EXOSC8: variants seen among roughly 807,000 people sequenced by gnomAD.
EXOSC8 encodes exosome complex component RRP43.
In EXOSC8, 37 loss-of-function variants were observed where a neutral mutation model predicts 39.9. That is an observed-to-expected ratio of 0.93 (90% CI 0.71 to 1.22). The LOEUF is 1.22. Among genes scored for constraint, EXOSC8 ranks in the 50% most tolerant of loss-of-function variants. The pLI, the probability that EXOSC8 is intolerant of heterozygous loss-of-function variation, is 0.00. For synonymous variants in EXOSC8, 93 were observed against 109.5 expected (o/e 0.85, Z 0.94); for missense variants, 313 against 326.6 (o/e 0.96, Z 0.32).
chr13:37,002,187 C>T (rs551091674), intron 1 of EXOSC8, 86 bp from the exon 2 acceptor site: 42 of 985,066 alleles, frequency 4.3e-5, no homozygotes, highest in Non-Finnish European at 6.6e-5. Context: ...TATGCTGCAT[C>T]ACCACACTTA....
Position 37,006,128 on chromosome 13 carries a change from C to T in EXOSC8, c.358C>T (p.Gln120Ter), listed in dbSNP as rs1214554467. ...ADVIENSQII[Q>*]KEDLCISPGK... is the part of the protein sequence containing the mutation. The stretch of plus-strand genomic sequence containing the variant: ...CATTAAATCAAGTTCACAGATAATT[C>T]AGAAAGAGGACTTATGCATTTCTCC... The change falls in exon 7 of 11, where the codon CAG becomes TAG. Residue 120 changes from glutamine (Q) to a stop codon, truncating the protein, a stop_gained. Transcript: ENST00000389704. LOFTEE classifies it high-confidence loss of function. 1 of 1,610,136 alleles carries T rather than the reference C, an allele frequency of 6.2e-7. No homozygotes were observed. Among genetic ancestry groups the T allele is most frequent in the African/African-American group, 1.3e-5 (1 of 74,760 alleles).
chr13:37,001,458 C>G (rs1198962392), intron 1 of EXOSC8: 1 of 152,168 alleles, frequency 6.6e-6, no homozygotes, highest in Non-Finnish European at 1.5e-5. Flanking sequence ...GCCTGCTTCT[C>G]CCTCTCCCGT....
At position 37,009,520 on chromosome 13, in the gene EXOSC8, T is replaced by A; in HGVS notation, c.*221T>A. The A allele has an allele frequency of 9.7e-7, 1 of 1,030,214 alleles. No individual in the cohort carries two copies. Among genetic ancestry groups the A allele is most frequent in the South Asian group, 1.5e-5 (1 of 65,792 alleles). 63.8% of individuals were successfully genotyped at this position (1,030,214 alleles called of 1,614,324 possible). A position where few individuals can be genotyped will look rare whatever the true frequency, so the allele number is the denominator to read the frequency against. On this transcript the variant is annotated 3_prime_UTR_variant, in exon 11 of 11. Coordinates refer to ENST00000389704, the MANE Select transcript of EXOSC8 (RefSeq NM_181503.3). The stretch of plus-strand genomic sequence containing the variant: ...TTGTTAAACCATTTCCCTGTTTTTA[T>A]TTAAAAATGATAAGGTTGTGCTTCT...
Position 37,000,801 on chromosome 13 carries a change from G to A in EXOSC8, c.-5G>A, listed in dbSNP as rs780894260. On this transcript the variant is annotated 5_prime_UTR_variant, in exon 1 of 11. Coordinates refer to ENST00000389704, the MANE Select transcript of EXOSC8 (RefSeq NM_181503.3). ...CGGCGCAGGCGCAGACGCGCGGGCGGGAAGATGGCGGCTGGGTTCAAGTGA... is the reference window on the plus strand; with the variant it reads ...CGGCGCAGGCGCAGACGCGCGGGCGAGAAGATGGCGGCTGGGTTCAAGTGA... 24 of 1,581,794 alleles carry A rather than the reference G, an allele frequency of 1.5e-5. No homozygotes were observed. In the East Asian group the frequency reaches 2.1e-4, roughly 14 times the overall value.
At chr13:37,003,230 T>C (rs2059117891) in intron 4 of EXOSC8, 1 of 460,652 alleles carries the variant, frequency 2.2e-6, no homozygotes, top group Non-Finnish European at 3.8e-6. Context: ...ACTTTTAAAA[T>C]CTGAGTCACC....
At position 37,005,934 on chromosome 13, in the gene EXOSC8, C is replaced by A; in HGVS notation, c.253C>A (p.Leu85Ile). 6.7e-7 allele frequency: 1 copy of A among 1,497,596 alleles called. No individual in the cohort carries two copies. The highest frequency in any genetic ancestry group is 9.2e-7 in the Non-Finnish European group (1 of 1,089,516). 92.8% of individuals were successfully genotyped at this position (1,497,596 alleles called of 1,614,324 possible). The change falls in exon 6 of 11, where the codon CTA (leucine) becomes ATA (isoleucine). Residue 85 changes from leucine (L) to isoleucine (I), a missense_variant. Physicochemically the swap from Leu to Ile is conservative, Grantham distance 5 (BLOSUM62 2). Transcript: ENST00000389704. The part of the protein sequence containing the change: ...DKGYVVPNVD[L>I]PPLCSSRFRS... The stretch of plus-strand genomic sequence containing the variant: ...GTTTCTTTCAGTTCCTAATGTGGAT[C>A]TACCACCCCTGTGTTCATCGAGATT...
chr13:37,004,278 C>G (rs891786514), intron 4 of EXOSC8: 4 of 367,578 alleles, frequency 1.1e-5, no homozygotes, highest in African/African-American at 8.4e-5. Flanking sequence ...AACCCAGTTA[C>G]TATTTTTTAA....
rs755322939 is a variant in EXOSC8 at position 37,008,839 on chromosome 13, T to G, written c.715+4T>G. The G allele has an allele frequency of 6.5e-7, 1 of 1,541,782 alleles. No homozygotes were observed. Among genetic ancestry groups the G allele is most frequent in the Non-Finnish European group, 8.9e-7 (1 of 1,125,492 alleles). ...CTCTGTTGTCTTCACAAACCAGGCATGTTCCCGCCACTTCAGTCCTAAACA... is the reference window on the plus strand; with the variant it reads ...CTCTGTTGTCTTCACAAACCAGGCAGGTTCCCGCCACTTCAGTCCTAAACA... On this transcript the variant is annotated splice_donor_region_variant and intron_variant, in intron 10 of 10. Transcript: ENST00000389704.
In EXOSC8 at chr13:37,008,795, A is replaced by G; in HGVS notation, c.675A>G (p.Val225=). The change falls in exon 10 of 11, where the codon GTA becomes GTG. Residue 225 remains valine, a synonymous_variant. Coordinates refer to ENST00000389704, the MANE Select transcript of EXOSC8 (RefSeq NM_181503.3). Reference sequence around the variant, plus strand: ...TGGCAACAGGAACCTTAACAATAGTAATGGATGAGGAAGGCAAACTCTGTT... The same window carrying G: ...TGGCAACAGGAACCTTAACAATAGTGATGGATGAGGAAGGCAAACTCTGTT... ...EHLATGTLTI[V]MDEEGKLCCL... is the part of the protein sequence containing the mutation. 1 of 1,613,430 alleles carries G rather than the reference A, an allele frequency of 6.2e-7. No homozygotes were observed. Among genetic ancestry groups the G allele is most frequent in the Non-Finnish European group, 8.5e-7 (1 of 1,179,388 alleles).
At position 37,003,069 on chromosome 13, in the gene EXOSC8, T is replaced by C. The variant is rs189463628; in HGVS notation, c.192+62T>C. On this transcript the variant is annotated intron_variant, in intron 4 of 10. Transcript: ENST00000389704. ...AAAGTTAGCTTTATTTATTAGATTG[T>C]AATATACACCTGTAATTCTACTCTT... 25 of 964,168 alleles carry C rather than the reference T, an allele frequency of 2.6e-5. No homozygotes were observed. The Admixed American group carries it at 3.3e-4, about 13-fold the overall frequency. 59.7% of individuals were successfully genotyped at this position (964,168 alleles called of 1,614,324 possible). A position where few individuals can be genotyped will look rare whatever the true frequency, so the allele number is the denominator to read the frequency against.
Position 37,005,947 on chromosome 13 carries a change from G to C in EXOSC8, c.266G>C (p.Cys89Ser). 1 of 1,606,466 alleles carries C rather than the reference G, an allele frequency of 6.2e-7. No individual in the cohort carries two copies. The highest frequency in any genetic ancestry group is 8.5e-7 in the Non-Finnish European group (1 of 1,174,700). ...VVPNVDLPPL[C>S]SSRFRSGPPG... is the part of the protein sequence containing the mutation. The stretch of plus-strand genomic sequence containing the variant: ...CCTAATGTGGATCTACCACCCCTGT[G>C]TTCATCGAGATTCCGGTCTGGACCT... Residue 89 changes from cysteine to serine, a missense_variant, in exon 6 of 11, where the codon TGT becomes TCT. Cys to Ser is a moderately radical substitution (Grantham distance 112). Transcript: ENST00000389704.
chr13:37,002,263 C>T lies in EXOSC8; in HGVS notation c.18-10C>T. On this transcript the variant is annotated splice_polypyrimidine_tract_variant and intron_variant, in intron 1 of 10. Transcript: ENST00000389704. ...GTTTATCTCAGATATATTTTTAACA[C>T]GTGTTTCAGAACCGTGGAACCTCTG... 1.3e-6 allele frequency: 2 copies of T among 1,598,218 alleles called. No individual in the cohort carries two copies. The highest frequency in any genetic ancestry group is 1.7e-6 in the Non-Finnish European group (2 of 1,166,694).
At chr13:37,006,077 G>A in intron 6 of EXOSC8, 38 bp from the exon 7 acceptor site, 1 of 1,591,290 alleles carries the variant, frequency 6.3e-7, no homozygotes. Context: ...GATAGTTTTG[G>A]GCTTTTCATT....
chr13:37,009,483 A>C lies in EXOSC8; in HGVS notation c.*184A>C. The C allele has an allele frequency of 1.2e-6, 1 of 839,392 alleles. No homozygotes were observed. Among genetic ancestry groups the C allele is most frequent in the Non-Finnish European group, 1.9e-6 (1 of 538,116 alleles). The allele number at this position is 839,392 out of a possible 1,614,324, so 52.0% of individuals were successfully genotyped here. A position where few individuals can be genotyped will look rare whatever the true frequency, so the allele number is the denominator to read the frequency against. ...TTTTAAAAAGCAATGACTTAGGCAA[A>C]CCAACCCTAGTTTGTTAAACCATTT... On this transcript the variant is annotated 3_prime_UTR_variant, in exon 11 of 11. Transcript: ENST00000389704.
intron 1 of EXOSC8, 27 bp from the exon 2 acceptor site, chr13:37,002,246 C>T: frequency 6.4e-7 from 1 of 1,569,824 alleles, no homozygotes; most frequent in Non-Finnish European, 8.8e-7. Context: ...CAGTTTATCT[C>T]AGATATATTT....
At chr13:37,006,480 A>G (rs1428720246) in intron 7 of EXOSC8, among the ~76,000 whole-genome samples, 1 of 146,626 alleles carries the variant, frequency 6.8e-6, no homozygotes, top group African/African-American at 2.4e-5. Context: ...TCATGTTAAC[A>G]TATGTTTATG....
At chr13:37,006,050 A>AT in intron 6 of EXOSC8, 25 bp downstream of exon 6, 1 of 1,581,132 alleles carries the variant, frequency 6.3e-7, no homozygotes, top group Non-Finnish European at 8.7e-7. Flanking sequence ...ATAAAATTTT[A>AT]TTACAATTCA....
In EXOSC8 at chr13:37,009,175, A is replaced by G; in HGVS notation, c.716-9A>G. ...TGAGATTAAAAGTATTGGCAAAATA[A>G]TTTTTCAGGTGGAAGTGGGCTAACT... On this transcript the variant is annotated splice_polypyrimidine_tract_variant and intron_variant, in intron 10 of 10. Transcript: ENST00000389704. 6.4e-7 allele frequency: 1 copy of G among 1,564,976 alleles called. No homozygotes were observed. Among genetic ancestry groups the G allele is most frequent in the South Asian group, 1.1e-5 (1 of 88,256 alleles).
intron 10 of EXOSC8, 110 bp from the exon 11 acceptor site, chr13:37,009,074 C>CTT: frequency 1.3e-6 from 1 of 756,548 alleles, no homozygotes; most frequent in Non-Finnish European, 2.2e-6. Context: ...TGAGACTGTA[C>CTT]CCTGATTTAC....
Sources: gnomAD v4.1 joint callset for allele counts (sites outside exome capture counted in the v4.1 genomes callset) on GRCh38, gnomAD v4.1.1 for gene constraint, MANE v1.5 for transcripts, NCBI Gene and HGNC (gene_info 2026-07-23, HGNC 2026-07-21) for gene names.